NCKAP1: variants seen among roughly 807,000 people sequenced by gnomAD.
NCKAP1 encodes NCK associated protein 1, also known as nck-associated protein 1.
Under a neutral mutation model 151.2 loss-of-function variants are expected in NCKAP1, and 21 were observed. The ratio of observed to expected loss-of-function variants is 0.14; its 90% CI spans 0.10 to 0.20. The LOEUF (loss-of-function observed/expected upper bound fraction) is 0.20, where lower values mean the gene tolerates loss of function less well. Ranked by LOEUF, NCKAP1 falls within the 10% of genes least tolerant of loss-of-function variation. The probability of loss-of-function intolerance (pLI) is 1.00; values close to 1 mark genes in which losing one functional copy is unlikely to be tolerated. For missense variants in NCKAP1, 933 were observed against 1,352.1 expected (o/e 0.69, Z 4.86); for synonymous variants, 484 against 451.8 (o/e 1.07, Z -0.90).
intron 13 of NCKAP1, among the ~76,000 whole-genome samples, chr2:182,979,240 T>C (rs1332099172): frequency 6.6e-6 from 1 of 152,070 alleles, no homozygotes; most frequent in African/African-American, 2.4e-5. Flanking sequence ...GCAAGAATGA[T>C]GAAGGTGTAC....
At chr2:182,988,090 C>T (rs1209981125) in intron 9 of NCKAP1, among the ~76,000 whole-genome samples, 1 of 152,082 alleles carries the variant, frequency 6.6e-6, no homozygotes, top group Non-Finnish European at 1.5e-5. Flanking sequence ...AAGAAAAGGG[C>T]AGATTCCTTT....
At chr2:183,002,574 G>A (rs997763103) in intron 4 of NCKAP1, among the ~76,000 whole-genome samples, 1 of 151,880 alleles carries the variant, frequency 6.6e-6, no homozygotes, top group African/African-American at 2.4e-5. Flanking sequence ...TCTCACGAAA[G>A]AGGAAAAAAA....
intron 30 of NCKAP1, 60 bp downstream of exon 30, chr2:182,926,756 A>C: frequency 8.5e-7 from 1 of 1,180,828 alleles, no homozygotes; most frequent in Non-Finnish European, 1.2e-6. Context: ...ATGCCAAGAA[A>C]AGATTCTCAG....
intron 8 of NCKAP1, among the ~76,000 whole-genome samples, chr2:182,994,072 A>G (rs554534597): frequency 4.2e-4 from 64 of 152,344 alleles, no homozygotes; most frequent in Non-Finnish European, 7.5e-4. Flanking sequence ...GCTTCTTAGA[A>G]GCAGAAACTA....
At chr2:182,954,887 A>T (rs1697293243) in intron 20 of NCKAP1, among the ~76,000 whole-genome samples, 1 of 149,306 alleles carries the variant, frequency 6.7e-6, no homozygotes, top group Non-Finnish European at 1.5e-5. Flanking sequence ...ATGTTTGGTT[A>T]AAAAAAAAAC....
At chr2:183,031,222 C>T (rs1698998392) in intron 1 of NCKAP1, among the ~76,000 whole-genome samples, 1 of 151,038 alleles carries the variant, frequency 6.6e-6, no homozygotes, top group Admixed American at 6.6e-5. Context: ...ATTAGTGATT[C>T]AAAAAAAAGA....
rs77526020 is a variant in NCKAP1 at position 183,036,311 on chromosome 2, T to C, written c.108+1681A>G. ...CCAAATACCCAAATCACTTTTGATG[T>C]TACTCTCACTTCCTCTTTTAGAAAC... On this transcript the variant is annotated intron_variant, in intron 1 of 30. Transcript: ENST00000361354. Among the ~76,000 whole-genome samples the C allele has an allele frequency of 7.7e-4, 118 of 152,306 alleles. 3 individuals carry two copies. In the East Asian group the frequency reaches 0.013, roughly 16 times the overall value.
intron 13 of NCKAP1, among the ~76,000 whole-genome samples, chr2:182,980,243 A>G (rs967609650): frequency 2.0e-5 from 3 of 152,058 alleles, no homozygotes; most frequent in Non-Finnish European, 4.4e-5. Context: ...CATCTAGTGG[A>G]TAAAAGAAGA....
chr2:183,029,570 C>T (rs964125663), intron 1 of NCKAP1, among the ~76,000 whole-genome samples: 1 of 151,828 alleles, frequency 6.6e-6, no homozygotes, highest in Non-Finnish European at 1.5e-5. Context: ...ACCTGCAATC[C>T]CAGCACTTGC....
At chr2:182,939,743 AG>A (rs1233863680) in intron 24 of NCKAP1, among the ~76,000 whole-genome samples, 6 of 152,158 alleles carry the variant, frequency 3.9e-5, no homozygotes, top group Admixed American at 3.9e-4. Flanking sequence ...AAAAAGAGAA[AG>A]TTTTGGAAAA....
chr2:182,931,834 T>G (rs1696770801), intron 26 of NCKAP1, among the ~76,000 whole-genome samples: 1 of 152,074 alleles, frequency 6.6e-6, no homozygotes, highest in South Asian at 2.1e-4. Context: ...TGGTTATTTC[T>G]CCAAAGAAGA....
chr2:182,942,254 G>A (rs971297255), intron 23 of NCKAP1, 91 bp from the exon 24 acceptor site: 5 of 909,876 alleles, frequency 5.5e-6, no homozygotes, highest in Non-Finnish European at 8.5e-6. Context: ...CTGGCAAGTA[G>A]GAAACACAAT....
Position 182,921,070 on chromosome 2 carries a change from T to C in NCKAP1, c.*4632A>G, listed in dbSNP as rs1456584456. 2 of 152,174 alleles carry C rather than the reference T, an allele frequency of 1.3e-5. No homozygotes were observed. The highest frequency in any genetic ancestry group is 1.3e-4 in the Admixed American group (2 of 15,272). 9.4% of individuals were successfully genotyped at this position (152,174 alleles called of 1,614,324 possible). Reference sequence around the variant, plus strand: ...ATCCCAGAGTTGAAGAAAACACTTTTAGTCAGTTACTAATGGAGAAAAAAT... The same window carrying C: ...ATCCCAGAGTTGAAGAAAACACTTTCAGTCAGTTACTAATGGAGAAAAAAT... On this transcript the variant is annotated 3_prime_UTR_variant, in exon 31 of 31. Coordinates refer to ENST00000361354, the MANE Select transcript of NCKAP1 (RefSeq NM_013436.5).
intron 2 of NCKAP1, among the ~76,000 whole-genome samples, chr2:183,012,505 G>T (rs1035062331): frequency 6.6e-6 from 1 of 152,132 alleles, no homozygotes; most frequent in Non-Finnish European, 1.5e-5. Flanking sequence ...GCATCACTGG[G>T]AGAATAATTC....
chr2:182,984,470 A>G (rs910284023), intron 10 of NCKAP1, among the ~76,000 whole-genome samples: 1 of 141,206 alleles, frequency 7.1e-6, no homozygotes, highest in East Asian at 1.9e-4. Flanking sequence ...CCAAAAACCC[A>G]AGTATAAAGA....
chr2:183,001,805 T>G, intron 6 of NCKAP1, 148 bp downstream of exon 6: 1 of 646,344 alleles, frequency 1.5e-6, no homozygotes, highest in Non-Finnish European at 2.7e-6. Flanking sequence ...ATTAGTTCCC[T>G]GTCTATAATT....
intron 18 of NCKAP1, among the ~76,000 whole-genome samples, chr2:182,959,037 G>T (rs766498133): frequency 2.6e-5 from 4 of 152,056 alleles, no homozygotes; most frequent in Non-Finnish European, 5.9e-5. Context: ...TCTAAGTTTT[G>T]TGTATGGCTA....
At chr2:182,995,512 A>G (rs1288699845) in intron 7 of NCKAP1, among the ~76,000 whole-genome samples, 189 bp downstream of exon 7, 1 of 152,222 alleles carries the variant, frequency 6.6e-6, no homozygotes, top group East Asian at 1.9e-4. Flanking sequence ...ATATTAATTT[A>G]TCACCAGTTT....
At chr2:182,967,106 G>T in intron 16 of NCKAP1, 110 bp downstream of exon 16, 1 of 951,688 alleles carries the variant, frequency 1.1e-6, no homozygotes, top group Non-Finnish European at 1.5e-6. Flanking sequence ...TTATTCTTAA[G>T]GATCTATTAC....
Sources: allele counts gnomAD v4.1 joint callset (sites outside exome capture counted in the v4.1 genomes callset), GRCh38; gene constraint gnomAD v4.1.1; transcripts MANE v1.5; gene names NCBI Gene and HGNC (gene_info 2026-07-23, HGNC 2026-07-21).